Variants in WDPCP observed in about 807,000 individuals in gnomAD.
WDPCP encodes the protein WD repeat containing planar cell polarity effector.
WDPCP carries 71 observed loss-of-function variants against 93.1 expected under a neutral mutation model. That is an observed-to-expected ratio of 0.76 (90% CI 0.63 to 0.93). WDPCP has a LOEUF of 0.93. Ranked by LOEUF, WDPCP falls within the 40% of genes least tolerant of loss-of-function variation. WDPCP has a pLI of 0.00. For missense variants in WDPCP, 844 were observed against 887.4 expected (o/e 0.95, Z 0.62); for synonymous variants, 315 against 315.0 (o/e 1.00, Z 0.00).
chr2:63,455,430 AT>A (rs1250154110), intron 6 of WDPCP, among the ~76,000 whole-genome samples: 18 of 145,586 alleles, frequency 1.2e-4, no homozygotes, highest in African/African-American at 4.9e-4. Context: ...ATATATATAT[AT>A]ATATATATAC....
chr2:63,540,860 C>T (rs1375973736), intron 1 of WDPCP, among the ~76,000 whole-genome samples: 1 of 151,876 alleles, frequency 6.6e-6, no homozygotes, highest in African/African-American at 2.4e-5. Flanking sequence ...CTCAAGTGAT[C>T]CTCCCTCCAA....
chr2:63,207,872 T>G (rs1337273909), intron 14 of WDPCP, among the ~76,000 whole-genome samples: 2 of 152,202 alleles, frequency 1.3e-5, no homozygotes, highest in Non-Finnish European at 2.9e-5. Context: ...TTGGATCTTC[T>G]TTGCCTATCA....
rs757409957 is a variant in WDPCP at position 63,174,745 on chromosome 2, G to A, written c.2003C>T (p.Pro668Leu). The A allele has an allele frequency of 1.2e-5, 19 of 1,613,848 alleles. No homozygotes were observed. The South Asian group carries it at 1.9e-4, about 16-fold the overall frequency. The change falls in exon 15 of 18, where the codon CCA becomes CTA. Residue 668 changes from proline (P) to leucine (L), a missense_variant. Transcript: ENST00000272321. ...SLAPQGEDSF[P>L]DNLPPSCPTH... ...TGGGCAAGAGGGAGGGAGGTTATCT[G>A]GAAATGAGTCTTCTCCTTGAGGTGC...
chr2:63,716,336 A>C (rs146272508), intron 2 of WDPCP, among the ~76,000 whole-genome samples: 1 of 152,328 alleles, frequency 6.6e-6, no homozygotes, highest in East Asian at 1.9e-4. Context: ...AGTGAGGACA[A>C]GGATCAAAGT....
chr2:63,807,454 C>T (rs1396495341), intron 2 of WDPCP, among the ~76,000 whole-genome samples: 1 of 152,202 alleles, frequency 6.6e-6, no homozygotes, highest in Non-Finnish European at 1.5e-5. Flanking sequence ...TGATTGGAAG[C>T]TTCTGGCCCT....
rs1414808480 is a variant in WDPCP at position 63,808,994 on chromosome 2, G to A, written n.308+4628C>T. Among the ~76,000 whole-genome samples the A allele has an allele frequency of 5.3e-5, 8 of 150,686 alleles. No individual in the cohort carries two copies. In the East Asian group the frequency reaches 5.9e-4, roughly 11 times the overall value. ...ATGTGGGGAGCGCCTCTGCCCTGCC[G>A]CCCCGTCTGGGATGTGAGGAGCACC... On this transcript the variant is annotated intron_variant and non_coding_transcript_variant, in intron 2 of 4. Coordinates refer to the WDPCP transcript ENST00000467687.
intron 2 of WDPCP, among the ~76,000 whole-genome samples, chr2:63,786,517 A>G (rs181846783): frequency 9.8e-5 from 15 of 152,318 alleles, no homozygotes; most frequent in African/African-American, 3.1e-4. Context: ...TGCCAGTGCC[A>G]TATGTGTGTT....
chr2:63,828,324 A>G (rs1671142801), upstream of WDPCP, among the ~76,000 whole-genome samples: 1 of 152,080 alleles, frequency 6.6e-6, no homozygotes, highest in African/African-American at 2.4e-5. Flanking sequence ...CTCTGCTCCA[A>G]CTATTTCCTC....
At chr2:63,596,669 A>G (rs1369782025) in intron 3 of WDPCP, among the ~76,000 whole-genome samples, 1 of 152,218 alleles carries the variant, frequency 6.6e-6, no homozygotes, top group Admixed American at 6.5e-5. Flanking sequence ...AGCCTTGACT[A>G]TGATGCAACT....
chr2:63,579,005 A>G lies in WDPCP; in HGVS notation c.75+9192T>C, dbSNP rs557694778. Among the ~76,000 whole-genome samples the G allele has an allele frequency of 1.4e-3, 207 of 152,280 alleles. 2 individuals are homozygous for G. Among genetic ancestry groups the G allele is most frequent in the Middle Eastern group, 0.01 (3 of 294 alleles). ...CAAGATTTGTCTCTTATTATCATGC[A>G]TATCCTTACACTATAGCATCCTATG... On this transcript the variant is annotated intron_variant, in intron 1 of 17. Coordinates refer to ENST00000272321, the MANE Select transcript of WDPCP (RefSeq NM_015910.7).
At chr2:63,799,388 A>C (rs1274115529) in intron 2 of WDPCP, among the ~76,000 whole-genome samples, 7 of 152,206 alleles carry the variant, frequency 4.6e-5, no homozygotes, top group Admixed American at 2.0e-4. Flanking sequence ...AGATAACTGA[A>C]GCTTACTGAG....
At chr2:63,624,762 C>T (rs1023241177) in intron 3 of WDPCP, among the ~76,000 whole-genome samples, 9 of 152,200 alleles carry the variant, frequency 5.9e-5, no homozygotes, top group South Asian at 2.1e-4. Flanking sequence ...CAAAGAGGAG[C>T]TGGTACCATT....
At chr2:63,140,678 G>A (rs1670998306) in intron 17 of WDPCP, among the ~76,000 whole-genome samples, 1 of 151,930 alleles carries the variant, frequency 6.6e-6, no homozygotes, top group African/African-American at 2.4e-5. Flanking sequence ...CAGAAACTTT[G>A]CTGAATTCTT....
At chr2:63,372,183 A>AT (rs1478587150) in intron 12 of WDPCP, among the ~76,000 whole-genome samples, 1 of 152,054 alleles carries the variant, frequency 6.6e-6, no homozygotes, top group Non-Finnish European at 1.5e-5. Flanking sequence ...AACCAACCAA[A>AT]TATGGTCATT....
intron 14 of WDPCP, among the ~76,000 whole-genome samples, chr2:63,220,524 T>A (rs556689193): frequency 6.6e-6 from 1 of 152,262 alleles, no homozygotes; most frequent in South Asian, 2.1e-4. Context: ...CTTGGCATAT[T>A]AGAAGGTTTA....
At chr2:63,336,895 CT>C (rs70965120) in intron 12 of WDPCP, among the ~76,000 whole-genome samples, 8 of 122,302 alleles carry the variant, frequency 6.5e-5, no homozygotes, top group Admixed American at 2.8e-4. Flanking sequence ...ATGAGAGTCA[CT>C]TTTTTTTTTT....
At chr2:63,794,837 T>A (rs530870317) in intron 2 of WDPCP, among the ~76,000 whole-genome samples, 1 of 152,222 alleles carries the variant, frequency 6.6e-6, no homozygotes, top group Non-Finnish European at 1.5e-5. Context: ...CTTTCTTAGC[T>A]CTAGTCACCA....
intron 2 of WDPCP, among the ~76,000 whole-genome samples, chr2:63,693,350 T>C (rs1036948578): frequency 6.6e-6 from 1 of 152,042 alleles, no homozygotes; most frequent in Non-Finnish European, 1.5e-5. Context: ...GTATGTATAA[T>C]AAAATACCAT....
intron 12 of WDPCP, among the ~76,000 whole-genome samples, chr2:63,319,290 TATACAGTGAA>T (rs1414957251): frequency 2.6e-5 from 4 of 152,190 alleles, no homozygotes; most frequent in Admixed American, 6.5e-5. Flanking sequence ...TTAATTTTTG[TATACAGTGAA>T]AGGAAAGGGC....
Sources: allele counts gnomAD v4.1 joint callset (sites outside exome capture counted in the v4.1 genomes callset), GRCh38; gene constraint gnomAD v4.1.1; transcripts MANE v1.5; gene names NCBI Gene and HGNC (gene_info 2026-07-23, HGNC 2026-07-21).